PDCL: variants seen among roughly 807,000 people sequenced by gnomAD.
The protein encoded by PDCL is phosducin like.
A neutral mutation model predicts 26.7 loss-of-function variants in PDCL; 11 were observed. That is an observed-to-expected ratio of 0.41 (90% CI 0.26 to 0.68). The LOEUF (loss-of-function observed/expected upper bound fraction) is 0.68. PDCL is among the 30% of genes least tolerant of loss of function. PDCL has a pLI of 0.30. For missense variants in PDCL, 330 were observed against 371.6 expected, an observed-to-expected ratio of 0.89 and a Z score of 0.92; for synonymous variants, 118 against 134.9, an observed-to-expected ratio of 0.87 and a Z score of 0.87.
intron 1 of PDCL, among the ~76,000 whole-genome samples, chr9:122,827,208 T>C (rs1311774628): frequency 2.6e-5 from 4 of 152,256 alleles, no homozygotes; most frequent in Middle Eastern, 3.4e-3. Context: ...TGCTGCCTAA[T>C]TGAAAAATTG....
intron 3 of PDCL, among the ~76,000 whole-genome samples, chr9:122,821,577 A>G (rs927970540): frequency 5.9e-5 from 9 of 152,160 alleles, no homozygotes; most frequent in Admixed American, 5.2e-4. Context: ...ATGTTTCCAA[A>G]TATTTTTATG....
rs961345703 is a variant in PDCL, at chr9:122,820,236, G to A, written c.755C>T (p.Thr252Ile). The change falls in exon 4 of 4, where the codon ACT (threonine) becomes ATT (isoleucine). Residue 252 changes from threonine to isoleucine, a missense_variant. Physicochemically the swap from Thr to Ile is moderately conservative, Grantham distance 89. Transcript: ENST00000259467. ...GELIGNFVRV[T>I]DQLGDDFFAV... is the part of the protein sequence containing the mutation. ...AAAGAAATCATCCCCCAGCTGGTCA[G>A]TAACACGAACAAAATTGCCGATCAA... 1 of 1,614,202 alleles carries A rather than the reference G, an allele frequency of 6.2e-7. No individual in the cohort carries two copies. Among genetic ancestry groups the A allele is most frequent in the African/African-American group, 1.3e-5 (1 of 75,060 alleles).
chr9:122,822,658 G>C (rs901483566), intron 3 of PDCL, among the ~76,000 whole-genome samples: 2 of 152,092 alleles, frequency 1.3e-5, no homozygotes, highest in Non-Finnish European at 2.9e-5. Context: ...ACCCTAAGAG[G>C]GTTATTTCTG....
intron 2 of PDCL, among the ~76,000 whole-genome samples, chr9:122,824,702 A>G (rs116423380): frequency 0.011 from 1,629 of 152,362 alleles, 30 homozygotes; most frequent in African/African-American, 0.038. Flanking sequence ...CATACTCAAC[A>G]TCACAAAAGT....
At chr9:122,826,255 C>T (rs1829627182) in intron 2 of PDCL, among the ~76,000 whole-genome samples, 1 of 152,148 alleles carries the variant, frequency 6.6e-6, no homozygotes, top group South Asian at 2.1e-4. Flanking sequence ...CTACTGCCAC[C>T]TCAACTCAAC....
intron 2 of PDCL, among the ~76,000 whole-genome samples, chr9:122,823,638 T>C (rs1343672725): frequency 6.6e-6 from 1 of 152,216 alleles, no homozygotes; most frequent in Non-Finnish European, 1.5e-5. Context: ...GTATATACAC[T>C]TGTGTGTTTA....
intron 1 of PDCL, among the ~76,000 whole-genome samples, chr9:122,827,931 C>A (rs1829649892): frequency 6.6e-6 from 1 of 152,096 alleles, no homozygotes; most frequent in African/African-American, 2.4e-5. Context: ...GCAAGGAGTT[C>A]TTGAACGTAG....
At chr9:122,823,319 T>C (rs772226702) in intron 2 of PDCL, 122 bp from the exon 3 acceptor site, 17 of 921,678 alleles carry the variant, frequency 1.8e-5, no homozygotes, top group African/African-American at 4.9e-5. Flanking sequence ...ACAATTATCA[T>C]AGGGACTCTG....
intron 1 of PDCL, among the ~76,000 whole-genome samples, 182 bp downstream of exon 1, chr9:122,828,289 G>A (rs940781534): frequency 2.0e-5 from 3 of 152,142 alleles, no homozygotes; most frequent in Non-Finnish European, 4.4e-5. Flanking sequence ...GGAGCTTTTG[G>A]GGGAAGGCTG....
chr9:122,826,198 G>A (rs1341034747), intron 2 of PDCL, among the ~76,000 whole-genome samples: 1 of 152,236 alleles, frequency 6.6e-6, no homozygotes, highest in Non-Finnish European at 1.5e-5. Context: ...TAACACAGTA[G>A]GAGGTCAAGT....
At position 122,819,310 on chromosome 9, in the gene PDCL, GGTTAAACAAAAAGTTACCTT is replaced by G. The variant is rs1457515206; in HGVS notation, c.*755_*774del. On this transcript the variant is annotated 3_prime_UTR_variant, in exon 4 of 4. Coordinates refer to ENST00000259467, the MANE Select transcript of PDCL (RefSeq NM_005388.5). ...AAAAAAAAGTTTTAAAAAAAATCTA[GGTTAAACAAAAAGTTACCTT>G]GTTAAACAAAAAGTTACCTTGTTAA... 13 of 150,494 alleles carry G rather than the reference GGTTAAACAAAAAGTTACCTT, an allele frequency of 8.6e-5. No homozygotes were observed. The highest frequency in any genetic ancestry group is 1.9e-4 in the East Asian group (1 of 5,164). 9.3% of individuals were successfully genotyped at this position (150,494 alleles called of 1,614,324 possible). A position where few individuals can be genotyped will look rare whatever the true frequency, so the allele number is the denominator to read the frequency against.
intron 2 of PDCL, among the ~76,000 whole-genome samples, chr9:122,823,610 A>G (rs1347031239): frequency 6.6e-6 from 1 of 152,228 alleles, no homozygotes; most frequent in East Asian, 1.9e-4. Context: ...TTATGTACAT[A>G]GATATGCATA....
At chr9:122,822,291 A>T (rs1829563187) in intron 3 of PDCL, among the ~76,000 whole-genome samples, 1 of 151,932 alleles carries the variant, frequency 6.6e-6, no homozygotes, top group Non-Finnish European at 1.5e-5. Context: ...ACCACGGCTC[A>T]CGCCTGTAAT....
Position 122,820,303 on chromosome 9 carries a change from T to C in PDCL, c.688A>G (p.Arg230Gly). ...ATCAGCAGGGCAGGAAGGGCATTCC[T>C]GGTGAACTGACTGCTGGCGCCAATA... ...SVIGASSQFT[R>G]NALPALLIYK... Residue 230 changes from arginine (R) to glycine (G), a missense_variant, in exon 4 of 4, where the codon AGG becomes GGG. Physicochemically the swap from Arg to Gly is moderately radical, Grantham distance 125. Transcript: ENST00000259467. 2 of 1,614,204 alleles carry C rather than the reference T, an allele frequency of 1.2e-6. No homozygotes were observed. Among genetic ancestry groups the C allele is most frequent in the Non-Finnish European group, 1.7e-6 (2 of 1,180,038 alleles).
Position 122,820,380 on chromosome 9 carries a change from C to T in PDCL, c.611G>A (p.Cys204Tyr). ...GTEAMNGCMI[C>Y]LAAEYPAVKF... The stretch of plus-strand genomic sequence containing the variant: ...GACAGCTGGGTACTCTGCGGCAAGG[C>T]AGATCATGCAACCATTCATGGCTTC... Residue 204 changes from cysteine to tyrosine, a missense_variant, in exon 4 of 4, where the codon TGC becomes TAC. Transcript: ENST00000259467. The T allele has an allele frequency of 1.2e-6, 2 of 1,614,216 alleles. No individual in the cohort carries two copies. Among genetic ancestry groups the T allele is most frequent in the Admixed American group, 3.3e-5 (2 of 60,020 alleles).
In PDCL at chr9:122,819,625, A is replaced by G. The variant is rs1829528548; in HGVS notation, c.*460T>C. On this transcript the variant is annotated 3_prime_UTR_variant, in exon 4 of 4. Transcript: ENST00000259467. ...CCCTGGTGGGGAAAAAAAAAATCTA[A>G]CCACCGTCTAAAGCTATGGAACTGA... 1.3e-5 allele frequency: 2 copies of G among 152,552 alleles called. No homozygotes were observed. Among genetic ancestry groups the G allele is most frequent in the Non-Finnish European group, 1.5e-5 (1 of 68,368 alleles). 9.4% of individuals were successfully genotyped at this position (152,552 alleles called of 1,614,324 possible).
intron 1 of PDCL, among the ~76,000 whole-genome samples, chr9:122,827,478 C>T (rs1452538109): frequency 6.6e-6 from 1 of 152,170 alleles, no homozygotes; most frequent in Non-Finnish European, 1.5e-5. Flanking sequence ...CTTAGGGAGG[C>T]CGAGGAGGGA....
At chr9:122,822,940 C>T (rs1829571651) in intron 3 of PDCL, 76 bp downstream of exon 3, 1 of 1,322,952 alleles carries the variant, frequency 7.6e-7, no homozygotes, top group East Asian at 2.3e-5. Flanking sequence ...ATCAAGCATC[C>T]TCCACCTCTT....
chr9:122,820,102 C>T lies in PDCL; in HGVS notation c.889G>A (p.Asp297Asn), dbSNP rs747053060. The change falls in exon 4 of 4, where the codon GAC (aspartate) becomes AAC (asparagine). Residue 297 changes from aspartate to asparagine, a missense_variant. By Grantham distance (23) the Asp-to-Asn change is conservative (BLOSUM62 1). Coordinates refer to ENST00000259467, the MANE Select transcript of PDCL (RefSeq NM_005388.5). ...NSATCHSEDS[D>N]LEID ...CTATCAGTTCAATCTATTTCCAGGT[C>T]GCTATCCTCACTGTGACACGTGGCA... is the stretch of plus-strand genomic sequence containing the variant. The T allele has an allele frequency of 1.6e-5, 25 of 1,607,304 alleles. No individual in the cohort carries two copies. The highest frequency in any genetic ancestry group is 4.5e-5 in the East Asian group (2 of 44,866).
Sources: allele counts gnomAD v4.1 joint callset (sites outside exome capture counted in the v4.1 genomes callset), GRCh38; gene constraint gnomAD v4.1.1; transcripts MANE v1.5; gene names NCBI Gene and HGNC (gene_info 2026-07-23, HGNC 2026-07-21).